Variants in ACYP2 observed in about 807,000 individuals in gnomAD.
ACYP2 encodes acylphosphatase-2.
In ACYP2, 12 loss-of-function variants were observed where a neutral mutation model predicts 11.2. That is an observed-to-expected ratio of 1.08 (90% CI 0.69 to 1.74). The LOEUF (loss-of-function observed/expected upper bound fraction) is 1.74. Among genes scored for constraint, ACYP2 ranks in the 40% most tolerant of loss-of-function variants. The pLI, the probability that ACYP2 is intolerant of heterozygous loss-of-function variation, is 0.00. For synonymous variants in ACYP2, 43 were observed against 32.2 expected, an observed-to-expected ratio of 1.33 and a Z score of -1.13; for missense variants, 134 against 101.9, an observed-to-expected ratio of 1.31 and a Z score of -1.35.
chr2:54,166,281 A>G (rs1010636532), intron 6 of ACYP2, among the ~76,000 whole-genome samples: 6 of 152,158 alleles, frequency 3.9e-5, no homozygotes, highest in African/African-American at 1.4e-4. Flanking sequence ...TTCATTCCAC[A>G]AATATTATAA....
intron 6 of ACYP2, among the ~76,000 whole-genome samples, chr2:54,165,533 T>TCACACACACACACACACA (rs1326165242): frequency 8.1e-6 from 1 of 123,642 alleles, no homozygotes; most frequent in African/African-American, 3.2e-5. Context: ...TCTCTCTCTC[T>TCACACACACACACACACA]CTCACACACA....
intron 4 of ACYP2, among the ~76,000 whole-genome samples, chr2:54,096,408 G>T (rs1678583934): frequency 6.6e-6 from 1 of 151,994 alleles, no homozygotes; most frequent in Admixed American, 6.6e-5. Flanking sequence ...AGGCAGAGAT[G>T]CTCCTCACTT....
chr2:54,241,690 C>T (rs977351566), intron 6 of ACYP2, among the ~76,000 whole-genome samples: 1 of 152,108 alleles, frequency 6.6e-6, no homozygotes, highest in African/African-American at 2.4e-5. Flanking sequence ...ATTTATTTAT[C>T]AAATGTGTTG....
At chr2:53,991,896 G>T (rs1454352293) in intron 2 of ACYP2, among the ~76,000 whole-genome samples, 1 of 151,926 alleles carries the variant, frequency 6.6e-6, no homozygotes, top group Non-Finnish European at 1.5e-5. Context: ...CGAGCTCTTG[G>T]CCTAAAGCAA....
At chr2:54,054,996 C>G (rs534191906) in intron 3 of ACYP2, among the ~76,000 whole-genome samples, 2 of 152,242 alleles carry the variant, frequency 1.3e-5, no homozygotes, top group East Asian at 3.9e-4. Context: ...AACTTTTCCT[C>G]ATATAAAAAA....
chr2:54,096,650 G>T (rs993838969), intron 4 of ACYP2, among the ~76,000 whole-genome samples: 1 of 152,164 alleles, frequency 6.6e-6, no homozygotes, highest in African/African-American at 2.4e-5. Flanking sequence ...GGCCAACACA[G>T]CGAAACCCCG....
intron 6 of ACYP2, among the ~76,000 whole-genome samples, chr2:54,240,694 C>G (rs1261439182): frequency 6.6e-6 from 1 of 152,166 alleles, no homozygotes; most frequent in African/African-American, 2.4e-5. Context: ...AGATGAGCAA[C>G]TCCCTGGTGA....
chr2:54,224,272 T>C (rs982332968), intron 6 of ACYP2, among the ~76,000 whole-genome samples: 11 of 152,208 alleles, frequency 7.2e-5, no homozygotes, highest in Non-Finnish European at 1.2e-4. Flanking sequence ...GTTCCCGAAC[T>C]CTTGTCCTGC....
At chr2:53,998,984 C>T (rs1672688798) in intron 2 of ACYP2, among the ~76,000 whole-genome samples, 1 of 151,982 alleles carries the variant, frequency 6.6e-6, no homozygotes, top group Non-Finnish European at 1.5e-5. Flanking sequence ...TGAAGTGACA[C>T]CTGTTACTTC....
At chr2:54,223,970 T>C (rs1685900075) in intron 6 of ACYP2, among the ~76,000 whole-genome samples, 1 of 152,116 alleles carries the variant, frequency 6.6e-6, no homozygotes, top group African/African-American at 2.4e-5. Flanking sequence ...AGAGAATGAG[T>C]AAAAGATGAG....
chr2:54,065,069 G>C (rs1676670530), intron 4 of ACYP2, among the ~76,000 whole-genome samples: 1 of 151,046 alleles, frequency 6.6e-6, no homozygotes, highest in South Asian at 2.1e-4. Flanking sequence ...GGGTGACAGA[G>C]TGAGACTCCA....
At chr2:54,267,357 A>G in intron 6 of ACYP2, 1 of 1,547,372 alleles carries the variant, frequency 6.5e-7, no homozygotes, top group Non-Finnish European at 8.7e-7. Flanking sequence ...CAGCTAGAGG[A>G]GAATTCAGGT....
intron 6 of ACYP2, among the ~76,000 whole-genome samples, chr2:54,183,715 CTAAGA>C (rs529203339): frequency 3.3e-5 from 5 of 152,072 alleles, no homozygotes; most frequent in Admixed American, 1.3e-4. Flanking sequence ...CATTTATCTT[CTAAGA>C]TATCTCAACT....
chr2:54,035,265 CTT>C (rs895749612), intron 2 of ACYP2, among the ~76,000 whole-genome samples: 7,434 of 125,800 alleles, frequency 0.059, 139 homozygotes, highest in East Asian at 0.23. Flanking sequence ...TTTTCTTTTT[CTT>C]TTTTTTTTTT....
intron 6 of ACYP2, among the ~76,000 whole-genome samples, chr2:54,288,369 A>C (rs1689166739): frequency 6.6e-6 from 1 of 151,950 alleles, no homozygotes; most frequent in East Asian, 1.9e-4. Flanking sequence ...AGTGAAAAGC[A>C]GTGGGTGGTG....
chr2:54,094,381 C>G (rs1233538348), intron 4 of ACYP2, among the ~76,000 whole-genome samples: 1 of 151,912 alleles, frequency 6.6e-6, no homozygotes, highest in Non-Finnish European at 1.5e-5. Context: ...GCATGTGCCA[C>G]CATGCCTAGC....
intron 6 of ACYP2, among the ~76,000 whole-genome samples, chr2:54,242,271 A>G (rs759597930): frequency 3.3e-5 from 5 of 152,222 alleles, no homozygotes; most frequent in Admixed American, 6.5e-5. Context: ...ACAAGATGCA[A>G]ACCACCAGGC....
intron 2 of ACYP2, among the ~76,000 whole-genome samples, chr2:54,037,108 G>A (rs867259989): frequency 3.9e-5 from 6 of 152,046 alleles, no homozygotes; most frequent in South Asian, 2.1e-4. Flanking sequence ...TTCAATGGAC[G>A]TTAGAATTTT....
rs190023016 is a variant in ACYP2 at position 54,043,424 on chromosome 2, C to G, written c.63-7534C>G. 1.4e-3 allele frequency among the ~76,000 whole-genome samples: 217 copies of G among 152,274 alleles called. 1 individual carries two copies. The highest frequency in any genetic ancestry group is 4.0e-3 in the African/African-American group (167 of 41,552). On this transcript the variant is annotated intron_variant, in intron 2 of 6. Coordinates refer to ENST00000607452, the MANE Select transcript of ACYP2 (RefSeq NM_001320586.2). ...TGGCATTTGGTGGCTGGGGCCAAGA[C>G]TGACAGATGTGTGGAACAGTTCCAT... is the stretch of plus-strand genomic sequence containing the variant.
Sources: allele counts gnomAD v4.1 joint callset (sites outside exome capture counted in the v4.1 genomes callset), GRCh38; gene constraint gnomAD v4.1.1; transcripts MANE v1.5; gene names NCBI Gene and HGNC (gene_info 2026-07-23, HGNC 2026-07-21).